The following NR2F1-AS1 variants were observed in gnomAD, a reference collection of about 807,000 sequenced individuals.
The protein encoded by NR2F1-AS1 is NR2F1 antisense RNA 1.
At chr5:93,560,016 G>A (rs980127604) in intron 2 of NR2F1-AS1, among the ~76,000 whole-genome samples, 39 of 152,148 alleles carry the variant, frequency 2.6e-4, no homozygotes, top group African/African-American at 9.2e-4. Flanking sequence ...TATCTGTGAA[G>A]CACAATAAAA....
intron 1 of NR2F1-AS1, chr5:93,570,600 G>C (rs1321047774): frequency 7.1e-6 from 1 of 140,898 alleles, no homozygotes; most frequent in Non-Finnish European, 1.5e-5. Flanking sequence ...GGAAGCGTGC[G>C]CCACCCCCGG....
chr5:93,447,279 G>A (rs1385606263), intron 4 of NR2F1-AS1, among the ~76,000 whole-genome samples: 4 of 151,992 alleles, frequency 2.6e-5, no homozygotes, highest in Non-Finnish European at 5.9e-5. Context: ...CTACAGAATG[G>A]GAGAACATTT....
At chr5:93,543,062 C>T (rs935872568) in intron 4 of NR2F1-AS1, 1 of 152,226 alleles carries the variant, frequency 6.6e-6, no homozygotes, top group Non-Finnish European at 1.5e-5. Context: ...GTTCTCATCA[C>T]CTTGATTGAT....
At chr5:93,462,454 T>G (rs1338837730) in intron 4 of NR2F1-AS1, among the ~76,000 whole-genome samples, 1 of 152,192 alleles carries the variant, frequency 6.6e-6, no homozygotes, top group African/African-American at 2.4e-5. Context: ...CTTTAGTATG[T>G]CTTTATTATC....
intron 4 of NR2F1-AS1, among the ~76,000 whole-genome samples, chr5:93,491,176 GGTGGTGGTGGCA>G (rs1750839525): frequency 6.6e-6 from 1 of 151,250 alleles, no homozygotes; most frequent in Non-Finnish European, 1.5e-5. Flanking sequence ...TTATGGTAGT[GGTGGTGGTGGCA>G]GTGGTGGTGG....
intron 4 of NR2F1-AS1, among the ~76,000 whole-genome samples, chr5:93,509,279 T>C (rs1275494548): frequency 6.6e-6 from 1 of 152,086 alleles, no homozygotes; most frequent in Non-Finnish European, 1.5e-5. Flanking sequence ...AACAATAGTA[T>C]ACACCAGAAC....
upstream of NR2F1-AS1, chr5:93,583,501 C>T (rs1352356633): frequency 6.6e-6 from 1 of 151,324 alleles, no homozygotes; most frequent in African/African-American, 2.4e-5. Flanking sequence ...TCCATTCCTG[C>T]AGAAGAGAGA....
At chr5:93,480,164 T>C (rs2149874664) in intron 4 of NR2F1-AS1, among the ~76,000 whole-genome samples, 1 of 151,972 alleles carries the variant, frequency 6.6e-6, no homozygotes, top group South Asian at 2.1e-4. Flanking sequence ...CATCCAGGAA[T>C]CTCAACAAAC....
chr5:93,540,917 C>T (rs562609808), intron 4 of NR2F1-AS1, among the ~76,000 whole-genome samples: 3 of 152,174 alleles, frequency 2.0e-5, no homozygotes, highest in Non-Finnish European at 2.9e-5. Flanking sequence ...TATGATGACA[C>T]ACATATTACT....
intron 1 of NR2F1-AS1, chr5:93,570,750 C>A (rs944490182): frequency 6.6e-6 from 1 of 152,272 alleles, no homozygotes; most frequent in African/African-American, 2.4e-5. Context: ...GCGCAGATAC[C>A]GCGGCCCGGG....
intron 4 of NR2F1-AS1, among the ~76,000 whole-genome samples, chr5:93,520,735 G>A (rs913205268): frequency 6.6e-6 from 1 of 152,070 alleles, no homozygotes; most frequent in African/African-American, 2.4e-5. Flanking sequence ...GCAAAAGGAA[G>A]GTGATAGACA....
chr5:93,544,624 C>CA (rs879507538), intron 4 of NR2F1-AS1, among the ~76,000 whole-genome samples: 1 of 151,748 alleles, frequency 6.6e-6, no homozygotes, highest in Non-Finnish European at 1.5e-5. Flanking sequence ...AATAGCCATG[C>CA]AAAAAAATGA....
intron 4 of NR2F1-AS1, among the ~76,000 whole-genome samples, chr5:93,530,852 A>G (rs1751722081): frequency 6.6e-6 from 1 of 152,206 alleles, no homozygotes; most frequent in African/African-American, 2.4e-5. Flanking sequence ...AACAGCTTAG[A>G]AAGACTCAGT....
At chr5:93,547,362 T>C (rs1752113030) in intron 4 of NR2F1-AS1, among the ~76,000 whole-genome samples, 1 of 152,184 alleles carries the variant, frequency 6.6e-6, no homozygotes, top group African/African-American at 2.4e-5. Context: ...TATGTTCTTC[T>C]TTGATATCAA....
At chr5:93,443,907 AG>A (rs1749631644) in intron 4 of NR2F1-AS1, among the ~76,000 whole-genome samples, 1 of 152,236 alleles carries the variant, frequency 6.6e-6, no homozygotes, top group Non-Finnish European at 1.5e-5. Context: ...AACATTCTTA[AG>A]GGAAACAATT....
intron 4 of NR2F1-AS1, among the ~76,000 whole-genome samples, chr5:93,453,328 G>A (rs951020925): frequency 1.3e-5 from 2 of 151,716 alleles, no homozygotes; most frequent in Non-Finnish European, 2.9e-5. Context: ...ATATCATGCA[G>A]ACTAATATAT....
At chr5:93,525,650 A>G (rs1751597695) in intron 4 of NR2F1-AS1, among the ~76,000 whole-genome samples, 3 of 152,190 alleles carry the variant, frequency 2.0e-5, no homozygotes, top group Admixed American at 2.0e-4. Context: ...AAACATAACA[A>G]ATGGTCTCTC....
chr5:93,444,602 G>C (rs1749652045), intron 4 of NR2F1-AS1, among the ~76,000 whole-genome samples: 1 of 152,132 alleles, frequency 6.6e-6, no homozygotes, highest in South Asian at 2.1e-4. Context: ...AAAATAATGG[G>C]AGACTTTAAC....
At chr5:93,469,910 T>C (rs1389443212) in intron 4 of NR2F1-AS1, among the ~76,000 whole-genome samples, 1 of 151,978 alleles carries the variant, frequency 6.6e-6, no homozygotes, top group Non-Finnish European at 1.5e-5. Context: ...TAATAGAAAA[T>C]GTGACAAGTG....
Sources: allele counts gnomAD v4.1 joint callset (sites outside exome capture counted in the v4.1 genomes callset), GRCh38; gene constraint gnomAD v4.1.1; transcripts MANE v1.5; gene names NCBI Gene and HGNC (gene_info 2026-07-23, HGNC 2026-07-21).